TMEM53: variants seen among roughly 807,000 people sequenced by gnomAD.
The protein encoded by TMEM53 is novel DUF829 domain-containing protein.
A neutral mutation model predicts 21.4 loss-of-function variants in TMEM53; 14 were observed. The observed-to-expected ratio is 0.65, with a 90% CI of 0.43 to 1.02. The LOEUF (loss-of-function observed/expected upper bound fraction) is 1.02, where lower values mean the gene tolerates loss of function less well. Among genes scored for constraint, TMEM53 ranks in the 50% least tolerant of loss-of-function variants. The pLI is 0.00. For missense variants in TMEM53, 323 were observed against 383.6 expected (o/e 0.84, Z 1.32); for synonymous variants, 148 against 157.4 (o/e 0.94, Z 0.45).
At position 44,670,326 on chromosome 1, in the gene TMEM53, G is replaced by A. The variant is rs539959335; in HGVS notation, c.61+4005C>T. On this transcript the variant is annotated intron_variant, in intron 1 of 2. Coordinates refer to ENST00000372237, the MANE Select transcript of TMEM53 (RefSeq NM_024587.4). ...CCACAAAAGCACAGCGCGGCCTCCT[G>A]CCAGGCCCCTGTTCCCTCCAGCCAC... 1.8e-4 allele frequency among the ~76,000 whole-genome samples: 28 copies of A among 152,238 alleles called. No homozygotes were observed. In the South Asian group the frequency reaches 5.8e-3, roughly 32 times the overall value.
At chr1:44,663,235 T>TTGC (rs1418528447) in intron 1 of TMEM53, among the ~76,000 whole-genome samples, 1 of 146,724 alleles carries the variant, frequency 6.8e-6, no homozygotes, top group Non-Finnish European at 1.5e-5. Flanking sequence ...AAAAACACTT[T>TTGC]TGTTGTTGTT....
At position 44,654,925 on chromosome 1, in the gene TMEM53, C is replaced by T. The variant is rs940785384; in HGVS notation, c.468G>A (p.Arg156=). The T allele has an allele frequency of 3.7e-6, 6 of 1,613,284 alleles. No individual in the cohort carries two copies. The highest frequency in any genetic ancestry group is 5.1e-6 in the Non-Finnish European group (6 of 1,179,792). ...PGDSNLVGAL[R]ALAAILERRA... ...GGCGCTCCAGGATGGCTGCCAGGGC[C>T]CGCAGAGCCCCTACCAGGTTGCTGT... Residue 156 remains arginine, a synonymous_variant, in exon 3 of 3, where the codon CGG becomes CGA. Transcript: ENST00000372237. The surrounding 1 kb of genome is among the most constrained non-coding windows in gnomAD (Gnocchi z 7.0).
intron 1 of TMEM53, among the ~76,000 whole-genome samples, chr1:44,668,302 G>A (rs536169760): frequency 1.1e-4 from 16 of 152,140 alleles, no homozygotes; most frequent in Non-Finnish European, 1.5e-4. Flanking sequence ...TTAGCCGAGC[G>A]TGGTGGCGGG....
chr1:44,673,744 G>T lies in TMEM53; in HGVS notation c.61+587C>A, dbSNP rs931881714. The T allele has an allele frequency of 4.1e-6, 3 of 724,706 alleles. No individual in the cohort carries two copies. The African/African-American group carries it at 5.8e-5, about 14-fold the overall frequency. 44.9% of individuals were successfully genotyped at this position (724,706 alleles called of 1,614,324 possible). On this transcript the variant is annotated intron_variant, in intron 1 of 2. Transcript: ENST00000372237. The stretch of plus-strand genomic sequence containing the variant: ...TCCCGGTTTTGCAGAGGAGGAAACT[G>T]AAGTTCAGAGAAGGTAGCTTACCAA...
At chr1:44,672,583 G>A (rs1325866432) in intron 1 of TMEM53, among the ~76,000 whole-genome samples, 1 of 152,172 alleles carries the variant, frequency 6.6e-6, no homozygotes, top group African/African-American at 2.4e-5. Context: ...AGAATGTTTG[G>A]GCAGAAGCAT....
In TMEM53 at chr1:44,655,296, C is replaced by T. The variant is rs1298935435; in HGVS notation, c.184-87G>A. On this transcript the variant is annotated intron_variant, in intron 2 of 2. Coordinates refer to ENST00000372237, the MANE Select transcript of TMEM53 (RefSeq NM_024587.4). The surrounding 1 kb of genome is among the most constrained non-coding windows in gnomAD (Gnocchi z 4.4). ...GTCAGAGGGGCCCAGCAACCCCAGC[C>T]TGTAGGACATAGGCCATGGGGCCCA... 4 of 1,363,838 alleles carry T rather than the reference C, an allele frequency of 2.9e-6. No homozygotes were observed. Among genetic ancestry groups the T allele is most frequent in the Non-Finnish European group, 3.0e-6 (3 of 1,009,512 alleles). The allele number at this position is 1,363,838 out of a possible 1,614,324, so 84.5% of individuals were successfully genotyped here. A position where few individuals can be genotyped will look rare whatever the true frequency, so the allele number is the denominator to read the frequency against.
In TMEM53 at chr1:44,660,206, G is replaced by C; in HGVS notation, c.151C>G (p.Leu51Val). 6.2e-7 allele frequency: 1 copy of C among 1,614,136 alleles called. No individual in the cohort carries two copies. The highest frequency in any genetic ancestry group is 8.5e-7 in the Non-Finnish European group (1 of 1,180,006). Residue 51 changes from leucine (L) to valine (V), a missense_variant, in exon 2 of 3, where the codon CTT (leucine) becomes GTT (valine). Physicochemically the swap from Leu to Val is conservative, Grantham distance 32. This residue lies in a region of TMEM53 where 269 missense variants were observed against 334.5 expected (regional missense o/e 0.80). Coordinates refer to ENST00000372237, the MANE Select transcript of TMEM53 (RefSeq NM_024587.4). ...TGGTAGATGGCACTGTACTTGGCAA[G>C]GTTCTTGTCCTTGCAGCCACCCCAG... is the stretch of plus-strand genomic sequence containing the variant. ...LGWGGCKDKN[L>V]AKYSAIYHKR...
Position 44,654,959 on chromosome 1 carries a change from G to T in TMEM53, c.434C>A (p.Ala145Asp). Residue 145 changes from alanine (A) to aspartate (D), a missense_variant, in exon 3 of 3, where the codon GCT becomes GAT. Coordinates refer to ENST00000372237, the MANE Select transcript of TMEM53 (RefSeq NM_024587.4). The surrounding 1 kb of genome is among the most constrained non-coding windows in gnomAD (Gnocchi z 7.0). Reference protein sequence around the residue: ...LRVVGTIFDSAPGDSNLVGAL... With the variant: ...LRVVGTIFDSDPGDSNLVGAL... ...CCCTACCAGGTTGCTGTCACCAGGA[G>T]CGCTGTCAAAGATGGTGCCCACCAC... 3 of 1,613,894 alleles carry T rather than the reference G, an allele frequency of 1.9e-6. No individual in the cohort carries two copies. Among genetic ancestry groups the T allele is most frequent in the Non-Finnish European group, 2.5e-6 (3 of 1,179,922 alleles).
rs1301651867 is a variant in TMEM53, at chr1:44,655,203, T to C, written c.190A>G (p.Ile64Val). 1 of 1,602,640 alleles carries C rather than the reference T, an allele frequency of 6.2e-7. No individual in the cohort carries two copies. The highest frequency in any genetic ancestry group is 8.5e-7 in the Non-Finnish European group (1 of 1,174,070). The change falls in exon 3 of 3, where the codon ATC becomes GTC. Residue 64 changes from isoleucine to valine, a missense_variant. Physicochemically the swap from Ile to Val is conservative, Grantham distance 29. Coordinates refer to ENST00000372237, the MANE Select transcript of TMEM53 (RefSeq NM_024587.4). The surrounding 1 kb of genome is among the most constrained non-coding windows in gnomAD (Gnocchi z 4.4). ...YSAIYHKRGC[I>V]VIRYTAPWHM... ...CACGGGGCTGTGTATCGGATTACGA[T>C]GCAGCCCTGGGGAGAGAGGCCTGGT...
intron 1 of TMEM53, among the ~76,000 whole-genome samples, chr1:44,673,393 G>A (rs1354007335): frequency 6.6e-6 from 1 of 152,230 alleles, no homozygotes; most frequent in African/African-American, 2.4e-5. Flanking sequence ...GCTGCAGGCA[G>A]TGAGACAGGA....
intron 2 of TMEM53, among the ~76,000 whole-genome samples, chr1:44,658,679 G>A (rs982361332): frequency 2.0e-5 from 3 of 152,084 alleles, no homozygotes; most frequent in Non-Finnish European, 4.4e-5. Context: ...AGCCTCCCTG[G>A]TAGCTGGGAC....
chr1:44,672,605 A>G (rs1645011695), intron 1 of TMEM53, among the ~76,000 whole-genome samples: 1 of 152,214 alleles, frequency 6.6e-6, no homozygotes, highest in Admixed American at 6.5e-5. Context: ...GCCCCAGGGA[A>G]GGGTCTGCTA....
At chr1:44,666,101 T>C (rs764694653) in intron 1 of TMEM53, among the ~76,000 whole-genome samples, 3 of 152,122 alleles carry the variant, frequency 2.0e-5, no homozygotes, top group Non-Finnish European at 4.4e-5. Flanking sequence ...CCAAAGAAGA[T>C]TTACAAATGG....
intron 1 of TMEM53, among the ~76,000 whole-genome samples, chr1:44,663,266 A>C (rs1644917404): frequency 6.6e-6 from 1 of 151,980 alleles, no homozygotes; most frequent in Non-Finnish European, 1.5e-5. Flanking sequence ...TTTGAGAAGG[A>C]GTTTCACTTT....
intron 1 of TMEM53, chr1:44,673,974 A>C: frequency 3.0e-6 from 3 of 985,460 alleles, no homozygotes; most frequent in Non-Finnish European, 3.6e-6. Context: ...TAGATGTGGG[A>C]AGCCCAATCC....
At chr1:44,668,310 G>A (rs946057082) in intron 1 of TMEM53, among the ~76,000 whole-genome samples, 11 of 152,100 alleles carry the variant, frequency 7.2e-5, no homozygotes, top group Non-Finnish European at 1.0e-4. Context: ...GCGTGGTGGC[G>A]GGCGCCTATA....
In TMEM53 at chr1:44,670,573, C is replaced by T. The variant is rs1228691796; in HGVS notation, c.61+3758G>A. 2.0e-5 allele frequency among the ~76,000 whole-genome samples: 3 copies of T among 152,194 alleles called. No individual in the cohort carries two copies. In the East Asian group the frequency reaches 5.8e-4, roughly 29 times the overall value. On this transcript the variant is annotated intron_variant, in intron 1 of 2. Transcript: ENST00000372237. ...CTAGGAAGCCTCTCCCACCACAGGGCCCACCATGGTGGTCCAGACCCTTCA... is the reference window on the plus strand; with the variant it reads ...CTAGGAAGCCTCTCCCACCACAGGGTCCACCATGGTGGTCCAGACCCTTCA...
rs977183516 is a variant in TMEM53 at position 44,654,475 on chromosome 1, C to T, written c.*84G>A. ...TCCCAAAGGGCTACAGGGAGTTGAA[C>T]GAGAAGAGTGCCCGACAGATTGCAG... On this transcript the variant is annotated 3_prime_UTR_variant, in exon 3 of 3. Transcript: ENST00000372237. The surrounding 1 kb of genome is among the most constrained non-coding windows in gnomAD (Gnocchi z 7.0). 70 of 1,501,040 alleles carry T rather than the reference C, an allele frequency of 4.7e-5. No individual in the cohort carries two copies. Among genetic ancestry groups the T allele is most frequent in the Non-Finnish European group, 6.0e-5 (66 of 1,108,754 alleles). The allele number at this position is 1,501,040 out of a possible 1,614,324, so 93.0% of individuals were successfully genotyped here.
rs760064931 is a variant in TMEM53, at chr1:44,655,160, GAGA to G, written c.230_232del (p.Phe77del). 5.6e-6 allele frequency: 9 copies of G among 1,613,754 alleles called. No homozygotes were observed. Among genetic ancestry groups the G allele is most frequent in the Admixed American group, 3.3e-5 (2 of 59,966 alleles). On this transcript the variant is annotated inframe_deletion, in exon 3 of 3. Coordinates refer to ENST00000372237, the MANE Select transcript of TMEM53 (RefSeq NM_024587.4). The surrounding 1 kb of genome is among the most constrained non-coding windows in gnomAD (Gnocchi z 4.4). ...AAGTGAAGGGATACCCAGTGACTCG[GAGA>G]AGAAGACCATGTGCCACGGGGCTGT...
Sources: allele counts gnomAD v4.1 joint callset (sites outside exome capture counted in the v4.1 genomes callset), GRCh38; gene constraint gnomAD v4.1.1; regional missense constraint gnomAD v4.1.1; non-coding constraint Gnocchi (gnomAD v3.1); transcripts MANE v1.5; gene names NCBI Gene and HGNC (gene_info 2026-07-23, HGNC 2026-07-21).